Variants in PDZRN4 observed in about 807,000 individuals in gnomAD.
The protein encoded by PDZRN4 is PDZ domain-containing RING finger protein 4.
A neutral mutation model predicts 99.0 loss-of-function variants in PDZRN4; 70 were observed. The observed-to-expected ratio is 0.71, with a 90% CI of 0.58 to 0.86. The LOEUF (loss-of-function observed/expected upper bound fraction) is 0.86, where lower values mean the gene tolerates loss of function less well. PDZRN4 is among the 40% of genes least tolerant of loss of function. PDZRN4 has a pLI of 0.00. For missense variants in PDZRN4, 1,474 were observed against 1,331.2 expected, an observed-to-expected ratio of 1.11 and a Z score of -1.67; for synonymous variants, 551 against 501.6, an observed-to-expected ratio of 1.10 and a Z score of -1.32.
intron 3 of PDZRN4, among the ~76,000 whole-genome samples, chr12:41,295,273 A>C (rs1417969793): frequency 6.6e-6 from 1 of 152,204 alleles, no homozygotes; most frequent in Admixed American, 6.5e-5. Context: ...GAGATACAGG[A>C]AACACTGGAA....
chr12:41,432,073 G>A (rs1012198745), intron 3 of PDZRN4, among the ~76,000 whole-genome samples: 1 of 152,102 alleles, frequency 6.6e-6, no homozygotes, highest in African/African-American at 2.4e-5. Context: ...CAAAAATCTG[G>A]CATTCATATA....
chr12:41,224,149 G>T (rs533211424), intron 3 of PDZRN4, among the ~76,000 whole-genome samples: 9 of 152,224 alleles, frequency 5.9e-5, no homozygotes, highest in Non-Finnish European at 1.0e-4. Flanking sequence ...TTGTCCTGGA[G>T]CTGGGCTGTC....
chr12:41,545,074 C>T (rs1448013398), intron 5 of PDZRN4, among the ~76,000 whole-genome samples: 5 of 152,188 alleles, frequency 3.3e-5, no homozygotes, highest in African/African-American at 4.8e-5. Flanking sequence ...TCCAACTCAC[C>T]CACTATGCTA....
intron 3 of PDZRN4, among the ~76,000 whole-genome samples, chr12:41,444,002 G>A (rs1592061273): frequency 6.6e-6 from 1 of 151,978 alleles, no homozygotes; most frequent in Non-Finnish European, 1.5e-5. Context: ...AGAAAGAAAA[G>A]GAAAAGACTG....
At chr12:41,297,183 C>A (rs1951501336) in intron 3 of PDZRN4, among the ~76,000 whole-genome samples, 1 of 151,930 alleles carries the variant, frequency 6.6e-6, no homozygotes, top group African/African-American at 2.4e-5. Context: ...TTCCATTTTC[C>A]ACAAACTTTT....
intron 5 of PDZRN4, among the ~76,000 whole-genome samples, chr12:41,540,942 G>A (rs577955253): frequency 9.7e-5 from 14 of 144,304 alleles, no homozygotes; most frequent in Admixed American, 8.3e-4. Flanking sequence ...TTGTTGTTTC[G>A]GAGACGGAGT....
chr12:41,542,793 C>T (rs1056949409), intron 5 of PDZRN4, among the ~76,000 whole-genome samples: 5 of 151,958 alleles, frequency 3.3e-5, no homozygotes, highest in Admixed American at 3.3e-4. Flanking sequence ...CCAAATAATT[C>T]TAGGAAGTAA....
At chr12:41,315,133 A>T (rs1423415747) in intron 3 of PDZRN4, among the ~76,000 whole-genome samples, 1 of 152,148 alleles carries the variant, frequency 6.6e-6, no homozygotes, top group African/African-American at 2.4e-5. Context: ...CCATATTTTC[A>T]GTCTGAAAGC....
At position 41,522,782 on chromosome 12, in the gene PDZRN4, C is replaced by T. The variant is rs78729248; in HGVS notation, c.1203+12869C>T. On this transcript the variant is annotated intron_variant, in intron 5 of 9. Coordinates refer to ENST00000402685, the MANE Select transcript of PDZRN4 (RefSeq NM_001164595.2). ...TATAGACGTTCATAATATTATAATT[C>T]AAAATGATCAGTAGCTGATTAGTAT... 8.9e-3 allele frequency among the ~76,000 whole-genome samples: 1,361 copies of T among 152,152 alleles called. 12 individuals carry two copies. Among genetic ancestry groups the T allele is most frequent in the Non-Finnish European group, 0.014 (977 of 67,998 alleles).
Position 41,437,041 on chromosome 12 carries a change from G to C in PDZRN4, c.844-69415G>C, listed in dbSNP as rs142812802. Among the ~76,000 whole-genome samples, 503 of 152,162 alleles carry C rather than the reference G, an allele frequency of 3.3e-3. 3 individuals are homozygous for C. The highest frequency in any genetic ancestry group is 8.3e-3 in the African/African-American group (345 of 41,508). On this transcript the variant is annotated intron_variant, in intron 3 of 9. Coordinates refer to ENST00000402685, the MANE Select transcript of PDZRN4 (RefSeq NM_001164595.2). ...CTACAAATATATACTCAATAGATGGGCCTTCATTATCTAATTAAAATATTA... is the reference window on the plus strand; with the variant it reads ...CTACAAATATATACTCAATAGATGGCCCTTCATTATCTAATTAAAATATTA...
intron 3 of PDZRN4, among the ~76,000 whole-genome samples, chr12:41,373,332 C>G (rs1952056900): frequency 6.6e-6 from 1 of 152,102 alleles, no homozygotes; most frequent in South Asian, 2.1e-4. Flanking sequence ...ATTTCCTCAT[C>G]CTAATAAGCC....
intron 3 of PDZRN4, among the ~76,000 whole-genome samples, chr12:41,259,698 AT>A (rs1368248973): frequency 6.6e-6 from 1 of 152,308 alleles, no homozygotes; most frequent in East Asian, 1.9e-4. Context: ...TCTTAAAAAA[AT>A]ATGAGTATAT....
intron 3 of PDZRN4, among the ~76,000 whole-genome samples, chr12:41,451,193 A>G (rs1320735313): frequency 6.6e-6 from 1 of 152,004 alleles, no homozygotes; most frequent in South Asian, 2.1e-4. Context: ...AAAACTTAGA[A>G]AATATCTCCT....
intron 3 of PDZRN4, among the ~76,000 whole-genome samples, chr12:41,480,973 GT>G (rs36114607): frequency 0.025 from 3,690 of 146,726 alleles, 135 homozygotes; most frequent in African/African-American, 0.084. Flanking sequence ...AAATTACAGG[GT>G]TTTTTTTTTT....
intron 3 of PDZRN4, among the ~76,000 whole-genome samples, chr12:41,397,934 T>A (rs1042791930): frequency 6.6e-6 from 1 of 151,886 alleles, no homozygotes; most frequent in South Asian, 2.1e-4. Context: ...TAACATGGTT[T>A]AAAAAAAATA....
chr12:41,474,304 T>G (rs1180792550), intron 3 of PDZRN4, among the ~76,000 whole-genome samples: 1 of 152,232 alleles, frequency 6.6e-6, no homozygotes, highest in South Asian at 2.1e-4. Flanking sequence ...TCCAGAGAGG[T>G]TAAGTGTCTT....
intron 7 of PDZRN4, among the ~76,000 whole-genome samples, chr12:41,557,868 G>A (rs574958600): frequency 6.6e-6 from 1 of 152,240 alleles, no homozygotes; most frequent in East Asian, 1.9e-4. Flanking sequence ...ATCATACACA[G>A]GGGAATGAAA....
chr12:41,323,240 G>C (rs1951691572), intron 3 of PDZRN4, among the ~76,000 whole-genome samples: 1 of 152,028 alleles, frequency 6.6e-6, no homozygotes, highest in Non-Finnish European at 1.5e-5. Context: ...TCTATGGAGA[G>C]GACATGCCTT....
At chr12:41,274,499 G>A (rs888841104) in intron 3 of PDZRN4, among the ~76,000 whole-genome samples, 11 of 152,042 alleles carry the variant, frequency 7.2e-5, no homozygotes, top group African/African-American at 1.9e-4. Flanking sequence ...TGAAAGTTCC[G>A]AATTAGAAAA....
Sources: allele counts gnomAD v4.1 joint callset (sites outside exome capture counted in the v4.1 genomes callset), GRCh38; gene constraint gnomAD v4.1.1; transcripts MANE v1.5; gene names NCBI Gene and HGNC (gene_info 2026-07-23, HGNC 2026-07-21).